The following CNIH4 variants were observed in gnomAD, a reference collection of about 807,000 sequenced individuals.
The protein encoded by CNIH4 is protein cornichon homolog 4.
Under a neutral mutation model 21.5 loss-of-function variants are expected in CNIH4, and 9 were observed. The ratio of observed to expected loss-of-function variants is 0.42; its 90% confidence interval spans 0.25 to 0.73. CNIH4 has a LOEUF of 0.73. Ranked by LOEUF, CNIH4 falls within the 30% of genes least tolerant of loss-of-function variation. The pLI is 0.27. For missense variants in CNIH4, 159 were observed against 170.0 expected (o/e 0.94, Z 0.36); for synonymous variants, 67 against 59.1 (o/e 1.13, Z -0.61).
At chr1:224,360,311 T>G (rs1672242912) in intron 1 of CNIH4, among the ~76,000 whole-genome samples, 184 bp from the exon 2 acceptor site, 3 of 152,190 alleles carry the variant, frequency 2.0e-5, no homozygotes, top group African/African-American at 7.2e-5. Context: ...AGGATTATTT[T>G]GTAAAATAAT....
In CNIH4 at chr1:224,376,957, A is replaced by G; in HGVS notation, c.*1135A>G. The stretch of plus-strand genomic sequence containing the variant: ...GCAAAACATGACTGTGTTCTGTGGG[A>G]GAATCCAAAGGCATTATTCACTCTA... On this transcript the variant is annotated 3_prime_UTR_variant, in exon 5 of 5. Coordinates refer to ENST00000465271, the MANE Select transcript of CNIH4 (RefSeq NM_014184.4). 1.0e-6 allele frequency: 1 copy of G among 965,426 alleles called. No individual in the cohort carries two copies. The highest frequency in any genetic ancestry group is 1.2e-6 in the Non-Finnish European group (1 of 811,726). 59.8% of individuals were successfully genotyped at this position (965,426 alleles called of 1,614,324 possible). A position where few individuals can be genotyped will look rare whatever the true frequency, so the allele number is the denominator to read the frequency against.
intron 3 of CNIH4, among the ~76,000 whole-genome samples, chr1:224,366,823 C>T (rs907870060): frequency 6.6e-6 from 1 of 151,570 alleles, no homozygotes; most frequent in Non-Finnish European, 1.5e-5. Context: ...ATTAGCCAGG[C>T]ATGGTGGCGT....
At chr1:224,366,333 A>C (rs1304356603) in intron 3 of CNIH4, among the ~76,000 whole-genome samples, 5 of 150,310 alleles carry the variant, frequency 3.3e-5, no homozygotes, top group African/African-American at 1.2e-4. Context: ...GGTGTGAGCC[A>C]AAAAAGGTGT....
At chr1:224,364,024 A>G in intron 2 of CNIH4, 1 of 984,834 alleles carries the variant, frequency 1.0e-6, no homozygotes, top group Non-Finnish European at 1.2e-6. Flanking sequence ...TTAAGGAGGG[A>G]AGAGACAAAA....
Position 224,378,320 on chromosome 1 carries a change from A to G in CNIH4, c.*2498A>G, listed in dbSNP as rs908637608. The G allele has an allele frequency of 1.3e-5, 2 of 152,234 alleles. No individual in the cohort carries two copies. The highest frequency in any genetic ancestry group is 4.8e-5 in the African/African-American group (2 of 41,442). 9.4% of individuals were successfully genotyped at this position (152,234 alleles called of 1,614,324 possible). ...CCTCGGCCTCCCAGATGTTGGGATTACTGGTGTGAGCCACCACGCCCAGCT... is the reference window on the plus strand; with the variant it reads ...CCTCGGCCTCCCAGATGTTGGGATTGCTGGTGTGAGCCACCACGCCCAGCT... On this transcript the variant is annotated 3_prime_UTR_variant, in exon 5 of 5. Transcript: ENST00000465271.
Position 224,376,233 on chromosome 1 carries a change from G to T in CNIH4, c.*411G>T. ...AGTACAAAACAACACTGTTGATCTG[G>T]ACAAAAGAAGAAAAATTACCCTTTT... On this transcript the variant is annotated 3_prime_UTR_variant, in exon 5 of 5. Transcript: ENST00000465271. 1.0e-6 allele frequency: 1 copy of T among 990,652 alleles called. No individual in the cohort carries two copies. The highest frequency in any genetic ancestry group is 1.7e-5 in the African/African-American group (1 of 57,584). 61.4% of individuals were successfully genotyped at this position (990,652 alleles called of 1,614,324 possible).
Position 224,372,563 on chromosome 1 carries a change from G to A in CNIH4, c.392+1140G>A, listed in dbSNP as rs557860463. ...TTAGAAACTGTATAGAGATAGCAGGGGTTTTTTTTTTGTTTGTTTTGTTTT... is the reference window on the plus strand; with the variant it reads ...TTAGAAACTGTATAGAGATAGCAGGAGTTTTTTTTTTGTTTGTTTTGTTTT... On this transcript the variant is annotated intron_variant, in intron 4 of 4. Transcript: ENST00000465271. 7.9e-5 allele frequency among the ~76,000 whole-genome samples: 12 copies of A among 151,676 alleles called. No individual in the cohort carries two copies. The East Asian group carries it at 2.1e-3, about 27-fold the overall frequency.
At chr1:224,375,148 T>C (rs1400451103) in intron 4 of CNIH4, among the ~76,000 whole-genome samples, 1 of 152,192 alleles carries the variant, frequency 6.6e-6, no homozygotes, top group Non-Finnish European at 1.5e-5. Flanking sequence ...CGGTAAAAGC[T>C]TGGAACTTGG....
rs759458223 is a variant in CNIH4, at chr1:224,371,300, G to T, written c.269G>T (p.Ser90Ile). 4.3e-6 allele frequency: 7 copies of T among 1,613,852 alleles called. No homozygotes were observed. In the South Asian group the frequency reaches 7.7e-5, roughly 18 times the overall value. The change falls in exon 4 of 5, where the codon AGT (serine) becomes ATT (isoleucine). Residue 90 changes from serine (S) to isoleucine (I), a missense_variant. Ser to Ile is a moderately radical substitution (Grantham distance 142). Coordinates refer to ENST00000465271, the MANE Select transcript of CNIH4 (RefSeq NM_014184.4). ...WNIYRYIMVP[S>I]GNMGVFDPTE... is the part of the protein sequence containing the mutation. ...TTTATCAGATACATTATGGTGCCGA[G>T]TGGTAACATGGGAGTGTTTGATCCA...
intron 3 of CNIH4, among the ~76,000 whole-genome samples, chr1:224,366,964 G>GAA (rs10707628): frequency 3.4e-5 from 3 of 88,438 alleles, no homozygotes; most frequent in African/African-American, 3.3e-5. Context: ...TCCGTCTCAA[G>GAA]AAAAAAAAAA....
Position 224,360,490 on chromosome 1 carries a change from AT to A in CNIH4, c.70-4del. The A allele has an allele frequency of 7.4e-7, 1 of 1,350,840 alleles. No individual in the cohort carries two copies. Among genetic ancestry groups the A allele is most frequent in the Non-Finnish European group, 1.0e-6 (1 of 997,308 alleles). The allele number at this position is 1,350,840 out of a possible 1,614,324, so 83.7% of individuals were successfully genotyped here. A position where few individuals can be genotyped will look rare whatever the true frequency, so the allele number is the denominator to read the frequency against. ...AATATAATAATTCCTTATCTTGATC[AT>A]CAGATAATTACATTGTCTGATTTAG... On this transcript the variant is annotated splice_polypyrimidine_tract_variant and splice_region_variant and intron_variant, in intron 1 of 4. Coordinates refer to ENST00000465271, the MANE Select transcript of CNIH4 (RefSeq NM_014184.4).
chr1:224,370,899 TG>T (rs1672604620), intron 3 of CNIH4, among the ~76,000 whole-genome samples: 1 of 148,308 alleles, frequency 6.7e-6, no homozygotes, highest in Non-Finnish European at 1.5e-5. Context: ...TTTTTTGAGA[TG>T]GAGTTCTGCT....
chr1:224,366,739 ACT>A (rs10554288), intron 3 of CNIH4, among the ~76,000 whole-genome samples: 148,130 of 148,484 alleles, frequency 1, 73,888 homozygotes, highest in Admixed American at 1. Flanking sequence ...TGGGTGGATC[ACT>A]TGAGGTCAGG....
chr1:224,357,193 C>T lies in CNIH4; in HGVS notation c.69+200C>T, dbSNP rs995565080. On this transcript the variant is annotated intron_variant, in intron 1 of 4. Coordinates refer to ENST00000465271, the MANE Select transcript of CNIH4 (RefSeq NM_014184.4). ...TGGCTGCCCTACCCGACGGGCCCTG[C>T]TGCCCTGCACGCACTTGCCCTGCCT... 8.7e-6 allele frequency: 5 copies of T among 574,284 alleles called. No individual in the cohort carries two copies. In the Admixed American group the frequency reaches 9.7e-5, roughly 11 times the overall value. 35.6% of individuals were successfully genotyped at this position (574,284 alleles called of 1,614,324 possible).
At chr1:224,372,204 A>G (rs530489964) in intron 4 of CNIH4, among the ~76,000 whole-genome samples, 12 of 152,330 alleles carry the variant, frequency 7.9e-5, no homozygotes, top group African/African-American at 2.6e-4. Context: ...CACTGGAAGT[A>G]AGAATTAATA....
rs146478357 is a variant in CNIH4 at position 224,376,435 on chromosome 1, TAGAA to T, written c.*616_*619del. The stretch of plus-strand genomic sequence containing the variant: ...CCAGGTACAATGTAGTTCCTGCTGA[TAGAA>T]AGGAAATATTTTGTCAAGAGCTTTC... On this transcript the variant is annotated 3_prime_UTR_variant, in exon 5 of 5. Coordinates refer to ENST00000465271, the MANE Select transcript of CNIH4 (RefSeq NM_014184.4). The T allele has an allele frequency of 8.7e-4, 858 of 985,388 alleles. 11 individuals are homozygous for T. In the African/African-American group the frequency reaches 0.014, roughly 16 times the overall value. The allele number at this position is 985,388 out of a possible 1,614,324, so 61.0% of individuals were successfully genotyped here.
At chr1:224,375,055 G>A (rs957495457) in intron 4 of CNIH4, among the ~76,000 whole-genome samples, 36 of 152,296 alleles carry the variant, frequency 2.4e-4, no homozygotes, top group African/African-American at 7.5e-4. Context: ...TTTTAGTGGC[G>A]TAGCATTTAT....
Position 224,376,439 on chromosome 1 carries a change from AAG to A in CNIH4, c.*618_*619del. The A allele has an allele frequency of 1.0e-6, 1 of 983,676 alleles. No homozygotes were observed. The highest frequency in any genetic ancestry group is 6.2e-5 in the Admixed American group (1 of 16,202). The allele number at this position is 983,676 out of a possible 1,614,324, so 60.9% of individuals were successfully genotyped here. ...GTACAATGTAGTTCCTGCTGATAGAAAGGAAATATTTTGTCAAGAGCTTTCAT... is the reference window on the plus strand; with the variant it reads ...GTACAATGTAGTTCCTGCTGATAGAAGAAATATTTTGTCAAGAGCTTTCAT... On this transcript the variant is annotated 3_prime_UTR_variant, in exon 5 of 5. Transcript: ENST00000465271.
Position 224,376,212 on chromosome 1 carries a change from C to G in CNIH4, c.*390C>G, listed in dbSNP as rs1012271472. 20 of 999,086 alleles carry G rather than the reference C, an allele frequency of 2.0e-5. No individual in the cohort carries two copies. Among genetic ancestry groups the G allele is most frequent in the Non-Finnish European group, 2.0e-5 (17 of 839,524 alleles). The allele number at this position is 999,086 out of a possible 1,614,324, so 61.9% of individuals were successfully genotyped here. A position where few individuals can be genotyped will look rare whatever the true frequency, so the allele number is the denominator to read the frequency against. ...TCAGGTCTACTGAAAAGTTAGAGTA[C>G]AAAACAACACTGTTGATCTGGACAA... On this transcript the variant is annotated 3_prime_UTR_variant, in exon 5 of 5. Coordinates refer to ENST00000465271, the MANE Select transcript of CNIH4 (RefSeq NM_014184.4).
Sources: gnomAD v4.1 joint callset for allele counts (sites outside exome capture counted in the v4.1 genomes callset) on GRCh38, gnomAD v4.1.1 for gene constraint, MANE v1.5 for transcripts, NCBI Gene and HGNC (gene_info 2026-07-23, HGNC 2026-07-21) for gene names.